The following ARID1B variants were observed in gnomAD, a reference collection of about 807,000 sequenced individuals.
The protein encoded by ARID1B is AT-rich interaction domain 1B, also known as AT-rich interactive domain-containing protein 1B.
In ARID1B, 30 loss-of-function variants were observed where a neutral mutation model predicts 212.3. That is an observed-to-expected ratio of 0.14 (90% CI 0.11 to 0.19). ARID1B has a LOEUF of 0.19. Ranked by LOEUF, ARID1B falls within the 10% of genes least tolerant of loss-of-function variation. The probability of loss-of-function intolerance (pLI) is 1.00; values close to 1 mark genes in which losing one functional copy is unlikely to be tolerated. For missense variants in ARID1B, 2,891 were observed against 3,204.0 expected (o/e 0.90, Z 2.36); for synonymous variants, 1,402 against 1,301.7 (o/e 1.08, Z -1.66).
rs779536790 is a variant in ARID1B, at chr6:157,189,752, G to A, written c.4030G>A (p.Gly1344Ser). Reference protein sequence around the residue: ...KPPTPASTPHGQMTPMQGGRS... With the variant: ...KPPTPASTPHSQMTPMQGGRS... ...ACCTACCCCAGCCTCCACCCCTCAC[G>A]GCCAGATGACTCCAATGCAAGGTGG... is the stretch of plus-strand genomic sequence containing the variant. Residue 1344 changes from glycine (G) to serine (S), a missense_variant, in exon 14 of 20, where the codon GGC becomes AGC. Physicochemically the swap from Gly to Ser is moderately conservative, Grantham distance 56. Around this residue, in one of 7 missense-constraint regions of ARID1B, gnomAD observed 666 missense variants for 873.5 expected, o/e 0.76. Coordinates refer to ENST00000636930, the MANE Select transcript of ARID1B (RefSeq NM_001374828.1). The A allele has an allele frequency of 3.0e-5, 48 of 1,613,734 alleles. No individual in the cohort carries two copies. The highest frequency in any genetic ancestry group is 1.7e-4 in the Middle Eastern group (1 of 6,058).
In ARID1B at chr6:156,901,533, C is replaced by A. The variant is rs1788939422; in HGVS notation, c.2136+8C>A. On this transcript the variant is annotated splice_region_variant and intron_variant, in intron 3 of 19. Transcript: ENST00000636930. ...AGGTACCAGCCGCAGCAGGTGAGCA[C>A]AGTGCACTGCCCCGCAGGGCCCTGT... 1 of 1,612,406 alleles carries A rather than the reference C, an allele frequency of 6.2e-7. No homozygotes were observed. Among genetic ancestry groups the A allele is most frequent in the Non-Finnish European group, 8.5e-7 (1 of 1,179,510 alleles).
chr6:157,202,642 C>T (rs1390430267), intron 18 of ARID1B, among the ~76,000 whole-genome samples: 1 of 151,356 alleles, frequency 6.6e-6, no homozygotes, highest in African/African-American at 2.4e-5. Context: ...GTGACTGTGC[C>T]ACTGTATACA....
chr6:156,897,200 GCTGCTGCTGCTGCTGCTGCTTCTT>G (rs1238340083), intron 2 of ARID1B, among the ~76,000 whole-genome samples: 5 of 71,850 alleles, frequency 7.0e-5, no homozygotes, highest in African/African-American at 2.7e-4. Flanking sequence ...TACTGCTGCT[GCTGCTGCTGCTGCTGCTGCTTCTT>G]CTTCTTCTTC....
chr6:157,160,121 G>A (rs528997808), intron 8 of ARID1B, among the ~76,000 whole-genome samples: 15 of 152,120 alleles, frequency 9.9e-5, no homozygotes, highest in South Asian at 4.1e-4. Flanking sequence ...GGTCACATTC[G>A]CCAGTGGAGG....
At chr6:157,029,025 T>C (rs1016694988) in intron 4 of ARID1B, among the ~76,000 whole-genome samples, 3 of 152,268 alleles carry the variant, frequency 2.0e-5, no homozygotes, top group African/African-American at 7.2e-5. Flanking sequence ...TCATTACCTC[T>C]TAACTCAGGA....
chr6:157,020,920 T>G (rs1319182492), intron 4 of ARID1B, among the ~76,000 whole-genome samples: 1 of 152,198 alleles, frequency 6.6e-6, no homozygotes, highest in Admixed American at 6.5e-5. Context: ...CTTACAATAT[T>G]AATGGCCGAA....
At chr6:156,785,524 G>GTT (rs112331619) in intron 1 of ARID1B, among the ~76,000 whole-genome samples, 11 of 149,234 alleles carry the variant, frequency 7.4e-5, no homozygotes, top group African/African-American at 2.0e-4. Flanking sequence ...TAAATATATG[G>GTT]TTTTTTTTTT....
At chr6:156,873,450 A>G (rs375002504) in intron 2 of ARID1B, among the ~76,000 whole-genome samples, 2 of 152,334 alleles carry the variant, frequency 1.3e-5, no homozygotes, top group East Asian at 3.9e-4. Flanking sequence ...ATATTTAGTC[A>G]CAAATATTTT....
chr6:157,118,255 A>G (rs778097616), intron 6 of ARID1B, among the ~76,000 whole-genome samples: 1 of 152,186 alleles, frequency 6.6e-6, no homozygotes, highest in Non-Finnish European at 1.5e-5. Flanking sequence ...CTGTTTTGCA[A>G]CCTACGGAAA....
intron 4 of ARID1B, among the ~76,000 whole-genome samples, chr6:157,082,452 G>A (rs1372679774): frequency 1.6e-4 from 24 of 152,126 alleles, no homozygotes; most frequent in East Asian, 1.9e-4. Context: ...TGCATCTCAC[G>A]TGCCCTTACA....
At chr6:157,036,538 T>A (rs1781337893) in intron 4 of ARID1B, 1 of 290,730 alleles carries the variant, frequency 3.4e-6, no homozygotes, top group Non-Finnish European at 6.8e-6. Flanking sequence ...AGGATGATTC[T>A]ACTCACTCCC....
chr6:156,909,649 A>T (rs1562478363), intron 3 of ARID1B, among the ~76,000 whole-genome samples: 1 of 151,994 alleles, frequency 6.6e-6, no homozygotes, highest in Non-Finnish European at 1.5e-5. Context: ...TTGTGCCTTG[A>T]CCTCTTGAAA....
intron 2 of ARID1B, among the ~76,000 whole-genome samples, chr6:156,899,091 T>C (rs1411431764): frequency 6.6e-6 from 1 of 152,134 alleles, no homozygotes; most frequent in Admixed American, 6.5e-5. Context: ...CACTACAACT[T>C]CTAGTTTAAT....
Position 156,896,856 on chromosome 6 carries a change from C to T in ARID1B, c.1987-4520C>T, listed in dbSNP as rs146591362. Among the ~76,000 whole-genome samples the T allele has an allele frequency of 7.9e-5, 12 of 152,178 alleles. No homozygotes were observed. The East Asian group carries it at 1.4e-3, about 17-fold the overall frequency. On this transcript the variant is annotated intron_variant, in intron 2 of 19. Transcript: ENST00000636930. ...ATCGTGCCACTGCACTCCAGCCTGACGACAGAGCGAGACTCCACCTCAAAC... is the reference window on the plus strand; with the variant it reads ...ATCGTGCCACTGCACTCCAGCCTGATGACAGAGCGAGACTCCACCTCAAAC...
chr6:156,994,251 G>A (rs1382858362), intron 4 of ARID1B, among the ~76,000 whole-genome samples: 2 of 152,182 alleles, frequency 1.3e-5, no homozygotes, highest in Non-Finnish European at 2.9e-5. Flanking sequence ...TCTGTTTACC[G>A]TGTATGTGGG....
At chr6:156,859,910 C>T (rs1008246692) in intron 2 of ARID1B, among the ~76,000 whole-genome samples, 3 of 152,150 alleles carry the variant, frequency 2.0e-5, no homozygotes, top group African/African-American at 4.8e-5. Flanking sequence ...TTGTATGCAG[C>T]AGGAGTTGTT....
At chr6:157,134,707 TG>T (rs1201230243) in intron 7 of ARID1B, among the ~76,000 whole-genome samples, 2 of 152,076 alleles carry the variant, frequency 1.3e-5, no homozygotes, top group East Asian at 3.9e-4. Context: ...CTGAACGTGG[TG>T]GGTGTCGTCA....
chr6:156,885,289 C>CT (rs1787415731), intron 2 of ARID1B, among the ~76,000 whole-genome samples: 1 of 152,114 alleles, frequency 6.6e-6, no homozygotes. Context: ...TTCAGAGGTG[C>CT]TTAGAATGGA....
At chr6:157,188,424 A>G (rs1793130833) in intron 13 of ARID1B, among the ~76,000 whole-genome samples, 1 of 152,110 alleles carries the variant, frequency 6.6e-6, no homozygotes, top group Admixed American at 6.5e-5. Context: ...AGTAGAAATA[A>G]TGTACTCATT....
Sources: gnomAD v4.1 joint callset for allele counts (sites outside exome capture counted in the v4.1 genomes callset) on GRCh38, gnomAD v4.1.1 for gene constraint, gnomAD v4.1.1 regional missense constraint, MANE v1.5 for transcripts, NCBI Gene and HGNC (gene_info 2026-07-23, HGNC 2026-07-21) for gene names.